The following KAT6A variants were observed in gnomAD, a reference collection of about 807,000 sequenced individuals.
KAT6A encodes lysine acetyltransferase 6A.
Under a neutral mutation model 198.4 loss-of-function variants are expected in KAT6A, and 9 were observed. The observed-to-expected ratio is 0.05, with a 90% CI of 0.03 to 0.08. The LOEUF is 0.08. Ranked by LOEUF, KAT6A falls within the 10% of genes least tolerant of loss-of-function variation. The probability of loss-of-function intolerance (pLI) is 1.00; values close to 1 mark genes in which losing one functional copy is unlikely to be tolerated. For synonymous variants in KAT6A, 890 were observed against 883.0 expected (o/e 1.01, Z -0.14); for missense variants, 2,077 against 2,509.9 (o/e 0.83, Z 3.69).
At chr8:41,988,049 A>T (rs1350223526) in intron 2 of KAT6A, among the ~76,000 whole-genome samples, 2 of 152,222 alleles carry the variant, frequency 1.3e-5, no homozygotes, top group Admixed American at 6.5e-5. Flanking sequence ...TGTGGTGTGG[A>T]GGAAGGGAAA....
chr8:41,998,225 A>G (rs913354648), intron 2 of KAT6A, among the ~76,000 whole-genome samples: 1 of 152,138 alleles, frequency 6.6e-6, no homozygotes, highest in African/African-American at 2.4e-5. Flanking sequence ...CCAATTAAGT[A>G]CCATTCATAT....
rs1821474612 is a variant in KAT6A at position 41,930,509 on chromosome 8, T to C, written c.*1696A>G. 2 of 203,570 alleles carry C rather than the reference T, an allele frequency of 9.8e-6. No individual in the cohort carries two copies. Among genetic ancestry groups the C allele is most frequent in the Admixed American group, 1.2e-4 (2 of 16,646 alleles). The allele number at this position is 203,570 out of a possible 1,614,324, so 12.6% of individuals were successfully genotyped here. A position where few individuals can be genotyped will look rare whatever the true frequency, so the allele number is the denominator to read the frequency against. The stretch of plus-strand genomic sequence containing the variant: ...AACCTGTGCATTTGAAAAAAGTTAA[T>C]GCCTAATTAGTACTTTAAAAATTTA... On this transcript the variant is annotated 3_prime_UTR_variant, in exon 17 of 17. Transcript: ENST00000265713.
chr8:42,038,790 T>C (rs1213221635), intron 2 of KAT6A, among the ~76,000 whole-genome samples: 1 of 151,914 alleles, frequency 6.6e-6, no homozygotes, highest in Non-Finnish European at 1.5e-5. Context: ...CCATAAAAGA[T>C]ACCTCAATCA....
In KAT6A at chr8:42,048,358, G is replaced by A. The variant is rs372029350; in HGVS notation, c.600+20C>T. ...CTATATCATCAGCTCTATAAACCCCGAAGCATATGCCATTCTTACCTTATC... is the reference window on the plus strand; with the variant it reads ...CTATATCATCAGCTCTATAAACCCCAAAGCATATGCCATTCTTACCTTATC... On this transcript the variant is annotated intron_variant, in intron 2 of 16. Transcript: ENST00000265713. 2.6e-5 allele frequency: 42 copies of A among 1,608,660 alleles called. No individual in the cohort carries two copies. The highest frequency in any genetic ancestry group is 3.3e-5 in the Non-Finnish European group (39 of 1,176,030).
Position 42,049,072 on chromosome 8 carries a change from A to G in KAT6A, c.-95T>C. ...GAAAACAAGATTCTCGGAGGCTGGG[A>G]ACCAGTTAACCATAGCATATGAGTT... On this transcript the variant is annotated 5_prime_UTR_variant, in exon 2 of 17. Transcript: ENST00000265713. The G allele has an allele frequency of 7.6e-7, 1 of 1,311,306 alleles. No homozygotes were observed. Among genetic ancestry groups the G allele is most frequent in the Non-Finnish European group, 1.0e-6 (1 of 958,822 alleles). The allele number at this position is 1,311,306 out of a possible 1,614,324, so 81.2% of individuals were successfully genotyped here.
rs889324272 is a variant in KAT6A at position 41,984,900 on chromosome 8, G to A, written c.709+2555C>T. 1.1e-4 allele frequency among the ~76,000 whole-genome samples: 16 copies of A among 151,206 alleles called. 1 individual carries two copies. The highest frequency in any genetic ancestry group is 2.6e-4 in the Admixed American group (4 of 15,172). On this transcript the variant is annotated intron_variant, in intron 3 of 16. Transcript: ENST00000265713. ...CCGGAGGCTGAGGCAGGAGAATGGCGTGAACCCGGGAGGCAGAGCTTGCAG... is the reference window on the plus strand; with the variant it reads ...CCGGAGGCTGAGGCAGGAGAATGGCATGAACCCGGGAGGCAGAGCTTGCAG...
intron 2 of KAT6A, among the ~76,000 whole-genome samples, chr8:41,995,987 T>C (rs952293468): frequency 2.6e-5 from 4 of 152,196 alleles, no homozygotes; most frequent in Admixed American, 6.5e-5. Flanking sequence ...CAATTTTCAT[T>C]TCTTTCCCCC....
chr8:41,957,062 G>A (rs1374061321), intron 8 of KAT6A: 2 of 597,434 alleles, frequency 3.3e-6, no homozygotes, highest in Non-Finnish European at 6.7e-6. Flanking sequence ...CTGCGGCACT[G>A]TCTGTTGTTT....
chr8:41,955,213 G>A, intron 9 of KAT6A, 83 bp downstream of exon 9: 1 of 843,002 alleles, frequency 1.2e-6, no homozygotes, highest in Non-Finnish European at 2.0e-6. Context: ...GGATAAGGTG[G>A]ACTCAAACAT....
At chr8:42,047,597 C>T (rs1397379508) in intron 2 of KAT6A, among the ~76,000 whole-genome samples, 1 of 151,954 alleles carries the variant, frequency 6.6e-6, no homozygotes, top group Non-Finnish European at 1.5e-5. Context: ...TTTTGGTGGA[C>T]GTGGGGTCTC....
At chr8:42,040,079 C>T (rs551540524) in intron 2 of KAT6A, among the ~76,000 whole-genome samples, 14 of 151,778 alleles carry the variant, frequency 9.2e-5, no homozygotes, top group Non-Finnish European at 1.6e-4. Flanking sequence ...TATTAAATAC[C>T]TATTATATAA....
intron 9 of KAT6A, among the ~76,000 whole-genome samples, chr8:41,950,713 T>C (rs1444397275): frequency 6.6e-6 from 1 of 152,188 alleles, no homozygotes; most frequent in Non-Finnish European, 1.5e-5. Context: ...CAAATTATGG[T>C]AAAGATAAAT....
In KAT6A at chr8:41,977,312, G is replaced by C; in HGVS notation, c.1059C>G (p.Phe353Leu). ...TTCCAGGGCCAGTTCGAACTTTGCT[G>C]AAGGGACCTTTTGATCTAAACAATT... is the stretch of plus-strand genomic sequence containing the variant. ...KKQNTVSKGP[F>L]SKVRTGPGRG... is the part of the protein sequence containing the mutation. The change falls in exon 7 of 17, where the codon TTC becomes TTG. Residue 353 changes from phenylalanine (F) to leucine (L), a missense_variant. By Grantham distance (22) the Phe-to-Leu change is conservative. Around this residue, in one of 13 missense-constraint regions of KAT6A, gnomAD observed 206 missense variants for 214.9 expected, o/e 0.96. Transcript: ENST00000265713. 6.2e-7 allele frequency: 1 copy of C among 1,612,900 alleles called. No homozygotes were observed. The highest frequency in any genetic ancestry group is 8.5e-7 in the Non-Finnish European group (1 of 1,179,194).
At position 41,946,693 on chromosome 8, in the gene KAT6A, G is replaced by A. The variant is rs1283819582; in HGVS notation, c.1903-9C>T. ...TGTTGGCAGTGCTTTTCCTGGTGGA[G>A]AAAACACAAGTCAAGTTTGAAAACA... On this transcript the variant is annotated splice_polypyrimidine_tract_variant and intron_variant, in intron 11 of 16. Transcript: ENST00000265713. 1 of 1,511,836 alleles carries A rather than the reference G, an allele frequency of 6.6e-7. No homozygotes were observed. Among genetic ancestry groups the A allele is most frequent in the South Asian group, 1.1e-5 (1 of 88,948 alleles). The allele number at this position is 1,511,836 out of a possible 1,614,324, so 93.7% of individuals were successfully genotyped here. A position where few individuals can be genotyped will look rare whatever the true frequency, so the allele number is the denominator to read the frequency against.
intron 8 of KAT6A, among the ~76,000 whole-genome samples, chr8:41,967,285 T>TTATTTATTTATTTATG (rs1485142341): frequency 6.7e-6 from 1 of 149,776 alleles, no homozygotes; most frequent in African/African-American, 2.4e-5. Flanking sequence ...ATTTATTTAT[T>TTATTTATTTATTTATG]TATTTATTTA....
At chr8:42,011,504 G>A (rs1352230444) in intron 2 of KAT6A, among the ~76,000 whole-genome samples, 1 of 152,152 alleles carries the variant, frequency 6.6e-6, no homozygotes, top group African/African-American at 2.4e-5. Context: ...TTGGGAGGCT[G>A]AGGTGGGTGG....
chr8:41,932,522 C>T lies in KAT6A; in HGVS notation c.5698G>A (p.Gly1900Arg). Reference protein sequence around the residue: ...ALAVQRGMNMGVNLMPTPAYN... With the variant: ...ALAVQRGMNMRVNLMPTPAYN... ...GCGGGAGTAGGCATCAGATTAACCCCCATGTTCATGCCACGCTGAACAGCC... is the reference window on the plus strand; with the variant it reads ...GCGGGAGTAGGCATCAGATTAACCCTCATGTTCATGCCACGCTGAACAGCC... The change falls in exon 17 of 17, where the codon GGG (glycine) becomes AGG (arginine). Residue 1900 changes from glycine (G) to arginine (R), a missense_variant. Gly to Arg is a moderately radical substitution (Grantham distance 125). This residue lies in a region of KAT6A where 500 missense variants were observed against 577.2 expected (regional missense o/e 0.87). Coordinates refer to ENST00000265713, the MANE Select transcript of KAT6A (RefSeq NM_006766.5). 1 of 1,614,276 alleles carries T rather than the reference C, an allele frequency of 6.2e-7. No individual in the cohort carries two copies. The highest frequency in any genetic ancestry group is 8.5e-7 in the Non-Finnish European group (1 of 1,180,048).
intron 2 of KAT6A, among the ~76,000 whole-genome samples, chr8:41,991,034 T>A (rs952820951): frequency 2.7e-5 from 4 of 146,190 alleles, no homozygotes; most frequent in Admixed American, 2.7e-4. Flanking sequence ...GAACAACACA[T>A]GCACTGCTGA....
chr8:41,932,864 G>C lies in KAT6A; in HGVS notation c.5356C>G (p.Leu1786Val). The C allele has an allele frequency of 6.2e-7, 1 of 1,614,198 alleles. No individual in the cohort carries two copies. The highest frequency in any genetic ancestry group is 2.2e-5 in the East Asian group (1 of 44,874). ...AGCTGAGCCAGTCCTGTATTGGACA[G>C]AGAAACACTGGTTGCATAGGAAGTC... The part of the protein sequence containing the change: ...AVTSYATSVS[L>V]SNTGLAQLAP... Residue 1786 changes from leucine (L) to valine (V), a missense_variant, in exon 17 of 17, where the codon CTG (leucine) becomes GTG (valine). Leu to Val is a conservative substitution (Grantham distance 32). Transcript: ENST00000265713.
Sources: allele counts gnomAD v4.1 joint callset (sites outside exome capture counted in the v4.1 genomes callset), GRCh38; gene constraint gnomAD v4.1.1; regional missense constraint gnomAD v4.1.1; transcripts MANE v1.5; gene names NCBI Gene and HGNC (gene_info 2026-07-23, HGNC 2026-07-21).